Variants in PHF3 observed in about 807,000 individuals in gnomAD.
The protein encoded by PHF3 is PHD finger protein 3.
In PHF3, 41 loss-of-function variants were observed where a neutral mutation model predicts 178.4. That is an observed-to-expected ratio of 0.23 (90% CI 0.18 to 0.30). The LOEUF (loss-of-function observed/expected upper bound fraction) is 0.30. PHF3 is among the 10% of genes least tolerant of loss of function. The pLI, the probability that PHF3 is intolerant of heterozygous loss-of-function variation, is 1.00. For synonymous variants in PHF3, 842 were observed against 800.5 expected (o/e 1.05, Z -0.88); for missense variants, 2,346 against 2,398.1 (o/e 0.98, Z 0.45).
At position 63,654,909 on chromosome 6, in the gene PHF3, T is replaced by C. The variant is rs549531922; in HGVS notation, c.244+8114T>C. On this transcript the variant is annotated intron_variant, in intron 2 of 15. Coordinates refer to ENST00000262043, the MANE Select transcript of PHF3 (RefSeq NM_001370348.2). ...GTGACCTTTTTTTTTTTTTTTTTTT[T>C]CGAGATGGGGCTCTCACTGTGTTGC... is the stretch of plus-strand genomic sequence containing the variant. Among the ~76,000 whole-genome samples, 1,482 of 149,602 alleles carry C rather than the reference T, an allele frequency of 9.9e-3. 15 individuals are homozygous for C. Among genetic ancestry groups the C allele is most frequent in the Non-Finnish European group, 0.015 (1,039 of 67,402 alleles).
intron 2 of PHF3, among the ~76,000 whole-genome samples, chr6:63,675,994 T>G (rs1766149428): frequency 6.6e-6 from 1 of 152,214 alleles, no homozygotes; most frequent in African/African-American, 2.4e-5. Flanking sequence ...TCCCACTACT[T>G]TGAAATTTTT....
chr6:63,643,136 C>A (rs1484710151), intron 1 of PHF3, among the ~76,000 whole-genome samples: 1 of 151,888 alleles, frequency 6.6e-6, no homozygotes, highest in Non-Finnish European at 1.5e-5. Flanking sequence ...GCTACTGTCC[C>A]TTTTCTGTTC....
At chr6:63,673,580 A>G (rs1457126142) in intron 2 of PHF3, among the ~76,000 whole-genome samples, 1 of 152,212 alleles carries the variant, frequency 6.6e-6, no homozygotes, top group East Asian at 1.9e-4. Context: ...ATCTACAACA[A>G]TCAGTAAATT....
intron 2 of PHF3, among the ~76,000 whole-genome samples, chr6:63,664,375 A>G (rs561381049): frequency 3.3e-5 from 5 of 152,282 alleles, no homozygotes; most frequent in African/African-American, 1.2e-4. Context: ...GGGAGATTCA[A>G]TTCTTGTTTT....
chr6:63,702,737 A>G, intron 10 of PHF3, 98 bp downstream of exon 10: 1 of 1,185,004 alleles, frequency 8.4e-7, no homozygotes, highest in Admixed American at 2.2e-5. Context: ...GAATTTTAAA[A>G]TATGCATCCA....
chr6:63,684,104 T>A, intron 3 of PHF3, 25 bp from the exon 4 acceptor site: 29 of 1,507,462 alleles, frequency 1.9e-5, no homozygotes, highest in Non-Finnish European at 2.6e-5. Flanking sequence ...TAAGTATTTT[T>A]ATTTATTTTT....
intron 1 of PHF3, among the ~76,000 whole-genome samples, chr6:63,637,734 T>G (rs1412109039): frequency 1.3e-5 from 2 of 152,180 alleles, no homozygotes; most frequent in Non-Finnish European, 2.9e-5. Flanking sequence ...TTAGGAGTGA[T>G]GATTCCTCTG....
intron 2 of PHF3, among the ~76,000 whole-genome samples, chr6:63,656,320 ATCTTG>A (rs1765231957): frequency 6.6e-6 from 1 of 152,196 alleles, no homozygotes. Context: ...AATAAAATTA[ATCTTG>A]TCTTCATTAC....
chr6:63,718,640 G>A lies in PHF3; in HGVS notation c.*4932G>A, dbSNP rs527619763. Among the ~76,000 whole-genome samples, 13 of 152,018 alleles carry A rather than the reference G, an allele frequency of 8.6e-5. No individual in the cohort carries two copies. Among genetic ancestry groups the A allele is most frequent in the African/African-American group, 3.1e-4 (13 of 41,514 alleles). ...TATTTGAAATATATGAAGAAAATCT[G>A]GCTATATGTGCATTTGTTTTTGGGA... On this transcript the variant is annotated 3_prime_UTR_variant, in exon 16 of 16. Coordinates refer to ENST00000262043, the MANE Select transcript of PHF3 (RefSeq NM_001370348.2).
intron 1 of PHF3, 60 bp downstream of exon 1, chr6:63,636,210 T>G: frequency 8.7e-6 from 3 of 346,212 alleles, no homozygotes; most frequent in African/African-American, 2.1e-5. Flanking sequence ...CCCCATCCCC[T>G]TCCACACGCA....
chr6:63,684,114 T>G lies in PHF3; in HGVS notation c.407-15T>G. 1 of 1,545,030 alleles carries G rather than the reference T, an allele frequency of 6.5e-7. No homozygotes were observed. The highest frequency in any genetic ancestry group is 8.7e-7 in the Non-Finnish European group (1 of 1,145,130). ...ATAGCTAAGTATTTTTATTTATTTT[T>G]TCCCCCTGTGATAGAACAAGTAAGA... On this transcript the variant is annotated splice_polypyrimidine_tract_variant and intron_variant, in intron 3 of 15. Coordinates refer to ENST00000262043, the MANE Select transcript of PHF3 (RefSeq NM_001370348.2).
chr6:63,701,685 C>G (rs1043098634), intron 9 of PHF3, among the ~76,000 whole-genome samples: 2 of 152,116 alleles, frequency 1.3e-5, no homozygotes. Context: ...ACATATCATA[C>G]TTCTTCATAC....
intron 8 of PHF3, among the ~76,000 whole-genome samples, 175 bp downstream of exon 8, chr6:63,698,780 A>G (rs1767345588): frequency 6.6e-6 from 1 of 152,154 alleles, no homozygotes; most frequent in Admixed American, 6.5e-5. Flanking sequence ...CTGCATACTA[A>G]TAGCATTAAC....
chr6:63,680,113 G>A lies in PHF3; in HGVS notation c.358G>A (p.Glu120Lys). The change falls in exon 3 of 16, where the codon GAA (glutamate) becomes AAA (lysine). Residue 120 changes from glutamate to lysine, a missense_variant. Coordinates refer to ENST00000262043, the MANE Select transcript of PHF3 (RefSeq NM_001370348.2). ...PNRNLRDKVE[E>K]NSVRSPRKSP... ...CAGGAACTTAAGGGACAAGGTAGAAGAAAATTCAGTGAGATCTCCAAGAAA... is the reference window on the plus strand; with the variant it reads ...CAGGAACTTAAGGGACAAGGTAGAAAAAAATTCAGTGAGATCTCCAAGAAA... 1 of 1,611,508 alleles carries A rather than the reference G, an allele frequency of 6.2e-7. No homozygotes were observed. The highest frequency in any genetic ancestry group is 1.1e-5 in the South Asian group (1 of 90,550).
intron 2 of PHF3, among the ~76,000 whole-genome samples, chr6:63,648,200 G>A (rs1481351268): frequency 1.3e-5 from 2 of 152,034 alleles, no homozygotes; most frequent in Non-Finnish European, 2.9e-5. Flanking sequence ...ACATTGTTCT[G>A]TTGTTGTATT....
rs1296130120 is a variant in PHF3 at position 63,721,770 on chromosome 6, TTTACTA to T, written c.*8063_*8068del. ...GTTGTAGCGAAGTTGAACGGAACTATTTACTAAAGAGATGCATAAAAAATCACCTGC... is the reference window on the plus strand; with the variant it reads ...GTTGTAGCGAAGTTGAACGGAACTATAAGAGATGCATAAAAAATCACCTGC... On this transcript the variant is annotated 3_prime_UTR_variant, in exon 16 of 16. Coordinates refer to ENST00000262043, the MANE Select transcript of PHF3 (RefSeq NM_001370348.2). 9 of 1,549,068 alleles carry T rather than the reference TTTACTA, an allele frequency of 5.8e-6. No homozygotes were observed. Among genetic ancestry groups the T allele is most frequent in the South Asian group, 1.2e-5 (1 of 83,530 alleles).
chr6:63,653,054 TTGTGTG>T (rs1482856177), intron 2 of PHF3, among the ~76,000 whole-genome samples: 1 of 151,074 alleles, frequency 6.6e-6, no homozygotes, highest in Non-Finnish European at 1.5e-5. Flanking sequence ...GTATTTTTTT[TTGTGTG>T]TGTGGTTTTG....
In PHF3 at chr6:63,684,964, T is replaced by G; in HGVS notation, c.1242T>G (p.Thr414=). 2 of 1,614,062 alleles carry G rather than the reference T, an allele frequency of 1.2e-6. No homozygotes were observed. Among genetic ancestry groups the G allele is most frequent in the Non-Finnish European group, 8.5e-7 (1 of 1,179,920 alleles). The change falls in exon 4 of 16, where the codon ACT becomes ACG. Residue 414 remains threonine (T), a synonymous_variant. Transcript: ENST00000262043. The part of the protein sequence containing the change: ...DAESNRQLES[T]EFNKSNLEVV... ...AGTCTAATAGGCAGTTGGAGAGCAC[T>G]GAGTTTAATAAATCAAACTTAGAGG...
At position 63,721,353 on chromosome 6, in the gene PHF3, T is replaced by C. The variant is rs750497653; in HGVS notation, c.*7645T>C. ...ACATCTGCAAGAAAAAGTTGTGCCA[T>C]TTACTGTACATTCACCTCCATTTCT... On this transcript the variant is annotated 3_prime_UTR_variant, in exon 16 of 16. Transcript: ENST00000262043. The C allele has an allele frequency of 7.7e-6, 12 of 1,551,816 alleles. No homozygotes were observed. The highest frequency in any genetic ancestry group is 2.7e-5 in the African/African-American group (2 of 73,040).
Sources: allele counts gnomAD v4.1 joint callset (sites outside exome capture counted in the v4.1 genomes callset), GRCh38; gene constraint gnomAD v4.1.1; transcripts MANE v1.5; gene names NCBI Gene and HGNC (gene_info 2026-07-23, HGNC 2026-07-21).